Variants in TGFBR2 observed in about 807,000 individuals in gnomAD.
TGFBR2 encodes TGF-beta receptor type-2.
In TGFBR2, 18 loss-of-function variants were observed where a neutral mutation model predicts 49.0. The ratio of observed to expected loss-of-function variants is 0.37; its 90% CI spans 0.25 to 0.54. The LOEUF is 0.54. Ranked by LOEUF, TGFBR2 falls within the 20% of genes least tolerant of loss-of-function variation. TGFBR2 has a pLI of 0.85. For missense variants in TGFBR2, 525 were observed against 722.6 expected, an observed-to-expected ratio of 0.73 and a Z score of 3.13; for synonymous variants, 282 against 275.9, an observed-to-expected ratio of 1.02 and a Z score of -0.22.
intron 1 of TGFBR2, among the ~76,000 whole-genome samples, chr3:30,640,694 G>A (rs1433024229): frequency 1.3e-5 from 2 of 152,130 alleles, no homozygotes; most frequent in Admixed American, 6.5e-5. Flanking sequence ...GATGGAAACC[G>A]CAGATGTGGA....
chr3:30,650,390 G>C lies in TGFBR2; in HGVS notation c.384G>C (p.Lys128Asn), dbSNP rs2125410410. 1 of 1,613,560 alleles carries C rather than the reference G, an allele frequency of 6.2e-7. No individual in the cohort carries two copies. The change falls in exon 3 of 7, where the codon AAG becomes AAC. Residue 128 changes from lysine to asparagine, a missense_variant. Physicochemically the swap from Lys to Asn is moderately conservative, Grantham distance 94. Transcript: ENST00000295754. The part of the protein sequence containing the change: ...SPKCIMKEKK[K>N]PGETFFMCSC... Reference sequence around the variant, plus strand: ...AGTGCATTATGAAGGAAAAAAAAAAGCCTGGTGAGACTTTCTTCATGTGTT... The same window carrying C: ...AGTGCATTATGAAGGAAAAAAAAAACCCTGGTGAGACTTTCTTCATGTGTT...
intron 3 of TGFBR2, among the ~76,000 whole-genome samples, chr3:30,653,412 C>T (rs147175399): frequency 1.3e-5 from 2 of 152,026 alleles, no homozygotes; most frequent in East Asian, 1.9e-4. Context: ...CCACCATGCC[C>T]GGCTAATTTT....
At chr3:30,645,724 G>C (rs1017762227) in intron 2 of TGFBR2, among the ~76,000 whole-genome samples, 4 of 151,924 alleles carry the variant, frequency 2.6e-5, no homozygotes, top group African/African-American at 9.7e-5. Flanking sequence ...GACCTCAGGT[G>C]ATCCACTCGC....
intron 5 of TGFBR2, among the ~76,000 whole-genome samples, chr3:30,681,437 G>A (rs1408129562): frequency 1.3e-5 from 2 of 152,100 alleles, no homozygotes; most frequent in Non-Finnish European, 1.5e-5. Context: ...CTGACTTTCC[G>A]AGGAATACCA....
At position 30,691,431 on chromosome 3, in the gene TGFBR2, G is replaced by T. The variant is rs1166402557; in HGVS notation, c.1536G>T (p.Met512Ile). 1.2e-6 allele frequency: 2 copies of T among 1,613,886 alleles called. No homozygotes were observed. Among genetic ancestry groups the T allele is most frequent in the Non-Finnish European group, 1.7e-6 (2 of 1,179,920 alleles). ...CTTTCCCGCTACAGGGCATCCAGAT[G>T]GTGTGTGAGACGTTGACTGAGTGCT... is the stretch of plus-strand genomic sequence containing the variant. ...SFWLNHQGIQ[M>I]VCETLTECWD... Residue 512 changes from methionine (M) to isoleucine (I), a missense_variant, in exon 7 of 7, where the codon ATG (methionine) becomes ATT (isoleucine). Coordinates refer to ENST00000295754, the MANE Select transcript of TGFBR2 (RefSeq NM_003242.6).
intron 6 of TGFBR2, among the ~76,000 whole-genome samples, chr3:30,690,490 A>G (rs529634987): frequency 6.6e-6 from 1 of 152,252 alleles, no homozygotes; most frequent in South Asian, 2.1e-4. Context: ...GTTGTTGGAG[A>G]GGAATGGAGC....
intron 1 of TGFBR2, among the ~76,000 whole-genome samples, chr3:30,636,966 A>G (rs1394917310): frequency 6.6e-6 from 1 of 151,020 alleles, no homozygotes; most frequent in Non-Finnish European, 1.5e-5. Context: ...CGGGAGGCTG[A>G]GGCAGGAGAA....
Position 30,670,347 on chromosome 3 carries a change from A to T in TGFBR2, c.455-1291A>T, listed in dbSNP as rs577862997. Among the ~76,000 whole-genome samples, 3 of 152,300 alleles carry T rather than the reference A, an allele frequency of 2.0e-5. No individual in the cohort carries two copies. In the South Asian group the frequency reaches 6.2e-4, roughly 32 times the overall value. On this transcript the variant is annotated intron_variant, in intron 3 of 6. Transcript: ENST00000295754. Reference sequence around the variant, plus strand: ...TGCCATATATTGCTTACTTGTATATATGCCCTAAGTCCTCTACTGGGTACT... The same window carrying T: ...TGCCATATATTGCTTACTTGTATATTTGCCCTAAGTCCTCTACTGGGTACT...
chr3:30,622,879 CAAAAAAAAAAAAAAAAAA>C (rs10575244), intron 1 of TGFBR2, among the ~76,000 whole-genome samples: 2 of 75,624 alleles, frequency 2.6e-5, no homozygotes, highest in Admixed American at 4.0e-4. Context: ...GACTTTGTCT[CAAAAAAAAAAAAAAAAAA>C]AAAAAAAAAG....
intron 2 of TGFBR2, among the ~76,000 whole-genome samples, chr3:30,647,668 A>AATT (rs57328659): frequency 0.24 from 36,111 of 151,322 alleles, 4,528 homozygotes; most frequent in East Asian, 0.43. Flanking sequence ...TTATAACCAA[A>AATT]ATTATTATTA....
In TGFBR2 at chr3:30,636,733, C is replaced by CGTGT. The variant is rs3076736; in HGVS notation, c.95-7991_95-7988dup. On this transcript the variant is annotated intron_variant, in intron 1 of 6. Transcript: ENST00000295754. Reference sequence around the variant, plus strand: ...ATATATAAGCATGCATGTGTGTGCACGTGTGTGTGTGTGTGTGTGTGTGTG... The same window carrying CGTGT: ...ATATATAAGCATGCATGTGTGTGCACGTGTGTGTGTGTGTGTGTGTGTGTGTGTG... Among the ~76,000 whole-genome samples the CGTGT allele has an allele frequency of 5.2e-3, 759 of 146,686 alleles. 5 individuals are homozygous for CGTGT. The highest frequency in any genetic ancestry group is 7.6e-3 in the Non-Finnish European group (501 of 66,228).
At position 30,606,914 on chromosome 3, in the gene TGFBR2, C is replaced by G; in HGVS notation, c.31C>G (p.Pro11Ala). The change falls in exon 1 of 7, where the codon CCG becomes GCG. Residue 11 changes from proline to alanine, a missense_variant. Physicochemically the swap from Pro to Ala is conservative, Grantham distance 27. Transcript: ENST00000295754. The stretch of plus-strand genomic sequence containing the variant: ...TCGGGGGCTGCTCAGGGGCCTGTGG[C>G]CGCTGCACATCGTCCTGTGGACGCG... MGRGLLRGLWPLHIVLWTRIA... is the reference protein window; with the variant it reads MGRGLLRGLWALHIVLWTRIA... The G allele has an allele frequency of 6.3e-7, 1 of 1,595,586 alleles. No homozygotes were observed. Among genetic ancestry groups the G allele is most frequent in the South Asian group, 1.1e-5 (1 of 88,658 alleles).
Position 30,691,928 on chromosome 3 carries a change from T to A in TGFBR2, c.*329T>A. 1 of 219,568 alleles carries A rather than the reference T, an allele frequency of 4.6e-6. No individual in the cohort carries two copies. The highest frequency in any genetic ancestry group is 7.0e-5 in the East Asian group (1 of 14,374). The allele number at this position is 219,568 out of a possible 1,614,324, so 13.6% of individuals were successfully genotyped here. On this transcript the variant is annotated 3_prime_UTR_variant, in exon 7 of 7. Coordinates refer to ENST00000295754, the MANE Select transcript of TGFBR2 (RefSeq NM_003242.6). Reference sequence around the variant, plus strand: ...TATGTTTTATATATATATATATATATCTATATATGTCTATAGCTCTATATA... The same window carrying A: ...TATGTTTTATATATATATATATATAACTATATATGTCTATAGCTCTATATA...
chr3:30,612,182 C>A, intron 1 of TGFBR2, among the ~76,000 whole-genome samples: 1 of 152,192 alleles, frequency 6.6e-6, no homozygotes, highest in East Asian at 1.9e-4. Context: ...TGAGAACCTA[C>A]CCTGAGACAG....
intron 5 of TGFBR2, among the ~76,000 whole-genome samples, chr3:30,682,501 T>A (rs1699556895): frequency 6.6e-6 from 1 of 152,164 alleles, no homozygotes; most frequent in Non-Finnish European, 1.5e-5. Context: ...GCCCACACAC[T>A]CCTGAACTTG....
chr3:30,681,098 A>G (rs909391116), intron 5 of TGFBR2, among the ~76,000 whole-genome samples: 5 of 148,904 alleles, frequency 3.4e-5, no homozygotes, highest in African/African-American at 1.2e-4. Context: ...TTTAATGAGG[A>G]GCAACACAAC....
At position 30,606,777 on chromosome 3, in the gene TGFBR2, C is replaced by G. The variant is rs111606278; in HGVS notation, c.-107C>G. ...GGCCCGCACATCTGCGCTGCCGGCC[C>G]GGCGCGGGGTCCGGAGAGGGCGCGG... On this transcript the variant is annotated 5_prime_UTR_variant, in exon 1 of 7. Transcript: ENST00000295754. 57 of 823,114 alleles carry G rather than the reference C, an allele frequency of 6.9e-5. No homozygotes were observed. In the African/African-American group the frequency reaches 7.7e-4, roughly 11 times the overall value. 51.0% of individuals were successfully genotyped at this position (823,114 alleles called of 1,614,324 possible).
chr3:30,674,296 A>G (rs749842684), intron 5 of TGFBR2, 50 bp downstream of exon 5: 1 of 1,609,580 alleles, frequency 6.2e-7, no homozygotes, highest in Non-Finnish European at 8.5e-7. Context: ...TCTTCAAAAT[A>G]AGATCATGTG....
At chr3:30,648,460 A>ACACACACACACACACACC (rs1553627538) in intron 2 of TGFBR2, among the ~76,000 whole-genome samples, 1,930 of 142,448 alleles carry the variant, frequency 0.014, 71 homozygotes, top group East Asian at 0.042. Flanking sequence ...ACACACACAC[A>ACACACACACACACACACC]CAAAACTGTG....
Sources: allele counts gnomAD v4.1 joint callset (sites outside exome capture counted in the v4.1 genomes callset), GRCh38; gene constraint gnomAD v4.1.1; transcripts MANE v1.5; gene names NCBI Gene and HGNC (gene_info 2026-07-23, HGNC 2026-07-21).